The following APBB1IP variants were observed in gnomAD, a reference collection of about 807,000 sequenced individuals.
APBB1IP encodes the protein amyloid beta precursor protein binding family B member 1 interacting protein.
APBB1IP carries 27 observed loss-of-function variants against 64.9 expected under a neutral mutation model. That is an observed-to-expected ratio of 0.42 (90% CI 0.31 to 0.57). APBB1IP has a LOEUF of 0.57. APBB1IP is among the 20% of genes least tolerant of loss of function. The pLI is 0.20. For missense variants in APBB1IP, 812 were observed against 845.5 expected, an observed-to-expected ratio of 0.96 and a Z score of 0.49; for synonymous variants, 392 against 331.0, an observed-to-expected ratio of 1.18 and a Z score of -2.00.
intron 2 of APBB1IP, among the ~76,000 whole-genome samples, chr10:26,447,887 C>T (rs1052847641): frequency 2.0e-5 from 3 of 152,112 alleles, no homozygotes; most frequent in African/African-American, 2.4e-5. Context: ...CCTTCCACCT[C>T]GGCCTCCCAA....
intron 6 of APBB1IP, among the ~76,000 whole-genome samples, chr10:26,510,732 TCTCACACACA>T (rs1423485516): frequency 2.5e-4 from 27 of 109,364 alleles, no homozygotes; most frequent in African/African-American, 7.6e-4. Flanking sequence ...CAAGACCCTG[TCTCACACACA>T]CACACACACA....
Position 26,562,329 on chromosome 10 carries a change from C to G in APBB1IP, c.1373C>G (p.Pro458Arg). 6.2e-7 allele frequency: 1 copy of G among 1,613,234 alleles called. No individual in the cohort carries two copies. The highest frequency in any genetic ancestry group is 1.1e-5 in the South Asian group (1 of 91,056). Reference protein sequence around the residue: ...AAAPAQPSTGPKTGTTQPNGQ... With the variant: ...AAAPAQPSTGRKTGTTQPNGQ... ...TTTCTCACTTCTTCCCTCTCAGGAC[C>G]TAAAACAGGCACCACCCAGCCCAAT... The change falls in exon 14 of 15, where the codon CCT becomes CGT. Residue 458 changes from proline to arginine, a missense_variant. Pro to Arg is a moderately radical substitution (Grantham distance 103, BLOSUM62 -2). This residue lies in a region of APBB1IP where 381 missense variants were observed against 352.1 expected (regional missense o/e 1.08). Coordinates refer to ENST00000376236, the MANE Select transcript of APBB1IP (RefSeq NM_019043.4).
intron 6 of APBB1IP, among the ~76,000 whole-genome samples, chr10:26,509,945 G>A (rs375976052): frequency 2.3e-4 from 35 of 152,134 alleles, no homozygotes; most frequent in Middle Eastern, 3.4e-3. Flanking sequence ...TCTCTCTAAC[G>A]AATAAGATCT....
chr10:26,560,984 C>A (rs1379102743), intron 13 of APBB1IP, 140 bp downstream of exon 13: 2 of 488,044 alleles, frequency 4.1e-6, no homozygotes, highest in Non-Finnish European at 6.9e-6. Flanking sequence ...GGCTCAAACT[C>A]CCCGACTCAG....
chr10:26,479,553 C>G (rs1352595462), intron 2 of APBB1IP, among the ~76,000 whole-genome samples: 1 of 151,836 alleles, frequency 6.6e-6, no homozygotes, highest in Non-Finnish European at 1.5e-5. Flanking sequence ...TAAAATGAAA[C>G]TCTTTATTTT....
intron 7 of APBB1IP, among the ~76,000 whole-genome samples, chr10:26,512,248 C>A (rs981976750): frequency 6.6e-6 from 1 of 152,142 alleles, no homozygotes; most frequent in Non-Finnish European, 1.5e-5. Flanking sequence ...GGTGGCCAGA[C>A]CTTGGGGGAT....
At chr10:26,560,914 C>T (rs1360401751) in intron 13 of APBB1IP, 70 bp downstream of exon 13, 17 of 1,197,396 alleles carry the variant, frequency 1.4e-5, no homozygotes, top group Non-Finnish European at 1.9e-5. Context: ...GTATCCAATA[C>T]ATCTATACAA....
At chr10:26,512,406 G>C (rs1481278247) in intron 7 of APBB1IP, among the ~76,000 whole-genome samples, 5 of 152,214 alleles carry the variant, frequency 3.3e-5, no homozygotes, top group Non-Finnish European at 7.4e-5. Context: ...TTTAGTGGTT[G>C]CTTCCTTAAC....
chr10:26,462,239 T>C (rs932765893), intron 2 of APBB1IP, among the ~76,000 whole-genome samples: 4 of 152,202 alleles, frequency 2.6e-5, no homozygotes, highest in African/African-American at 9.6e-5. Flanking sequence ...AAATTTAAGA[T>C]CTTTTTCTGG....
chr10:26,556,915 C>T (rs770540515), intron 11 of APBB1IP, among the ~76,000 whole-genome samples: 4 of 152,094 alleles, frequency 2.6e-5, no homozygotes, highest in Non-Finnish European at 4.4e-5. Flanking sequence ...GTCAGAGAGC[C>T]GTGTTTCTGG....
intron 9 of APBB1IP, 45 bp downstream of exon 9, chr10:26,533,570 C>A: frequency 7.5e-7 from 1 of 1,329,428 alleles, no homozygotes; most frequent in East Asian, 2.5e-5. Context: ...AGGACGTTTG[C>A]TCTATTTTTA....
At chr10:26,545,780 A>G (rs1372956492) in intron 11 of APBB1IP, among the ~76,000 whole-genome samples, 6 of 61,438 alleles carry the variant, frequency 9.8e-5, no homozygotes, top group South Asian at 4.4e-4. Flanking sequence ...CAAACAAACA[A>G]ACAAAAAAAA....
chr10:26,529,854 T>G (rs1836525955), intron 8 of APBB1IP, among the ~76,000 whole-genome samples: 1 of 152,210 alleles, frequency 6.6e-6, no homozygotes, highest in Non-Finnish European at 1.5e-5. Flanking sequence ...TTAGCCAGGC[T>G]GGTCTCGAAC....
chr10:26,562,173 G>T, intron 13 of APBB1IP, 153 bp from the exon 14 acceptor site: 1 of 612,088 alleles, frequency 1.6e-6, no homozygotes, highest in African/African-American at 1.8e-5. Flanking sequence ...TGCTCTCTTT[G>T]CTTTGTTTTT....
At chr10:26,554,422 G>A (rs1394802319) in intron 11 of APBB1IP, among the ~76,000 whole-genome samples, 4 of 152,250 alleles carry the variant, frequency 2.6e-5, no homozygotes, top group African/African-American at 7.2e-5. Flanking sequence ...GCTCCCAGCA[G>A]TGCTGGCATT....
intron 2 of APBB1IP, among the ~76,000 whole-genome samples, chr10:26,460,880 T>C (rs1489296123): frequency 2.0e-5 from 3 of 152,142 alleles, no homozygotes; most frequent in African/African-American, 7.2e-5. Flanking sequence ...CACTCACTCC[T>C]CAGTCTAAGA....
chr10:26,458,450 GGAGA>G (rs1337830051), intron 2 of APBB1IP, among the ~76,000 whole-genome samples: 1 of 151,558 alleles, frequency 6.6e-6, no homozygotes, highest in African/African-American at 2.4e-5. Context: ...ATGGAGGGAG[GGAGA>G]GAGGGATTAC....
chr10:26,453,913 G>A (rs4354610), intron 2 of APBB1IP, among the ~76,000 whole-genome samples: 60,766 of 151,990 alleles, frequency 0.4, 12,294 homozygotes, highest in South Asian at 0.5. Flanking sequence ...AGATATCTGC[G>A]CTTCTGTGTT....
At chr10:26,442,846 T>A (rs1427527720) in intron 2 of APBB1IP, among the ~76,000 whole-genome samples, 1 of 152,172 alleles carries the variant, frequency 6.6e-6, no homozygotes, top group Non-Finnish European at 1.5e-5. Flanking sequence ...TGCTAATTTT[T>A]AAAAAGCTTT....
Sources: allele counts gnomAD v4.1 joint callset (sites outside exome capture counted in the v4.1 genomes callset), GRCh38; gene constraint gnomAD v4.1.1; regional missense constraint gnomAD v4.1.1; transcripts MANE v1.5; gene names NCBI Gene and HGNC (gene_info 2026-07-23, HGNC 2026-07-21).